CDH20: variants seen among roughly 807,000 people sequenced by gnomAD.
CDH20 encodes cadherin 20, also known as cadherin-20.
Under a neutral mutation model 74.2 loss-of-function variants are expected in CDH20, and 29 were observed. The observed-to-expected ratio is 0.39, with a 90% confidence interval of 0.29 to 0.53. CDH20 has a LOEUF of 0.53. Among genes scored for constraint, CDH20 ranks in the 20% least tolerant of loss-of-function variants. The pLI, the probability that CDH20 is intolerant of heterozygous loss-of-function variation, is 0.69. For synonymous variants in CDH20, 469 were observed against 405.4 expected (o/e 1.16, Z -1.88); for missense variants, 988 against 1,048.3 (o/e 0.94, Z 0.79).
Position 61,353,880 on chromosome 18 carries a change from A to G in CDH20, c.-153+20053A>G, listed in dbSNP as rs968483836. 6.6e-6 allele frequency among the ~76,000 whole-genome samples: 1 copy of G among 152,072 alleles called. No homozygotes were observed. The highest frequency in any genetic ancestry group is 2.4e-5 in the African/African-American group (1 of 41,412). ...TTGGATTGCCTGAACTCTGTAGTTC[A>G]TAACCAGCCTGGGCAACATAGCAAA... On this transcript the variant is annotated intron_variant, in intron 1 of 11. Coordinates refer to ENST00000262717, the MANE Select transcript of CDH20 (RefSeq NM_031891.4). The surrounding 1 kb of genome is among the most constrained non-coding windows in gnomAD (Gnocchi z 4.6).
intron 2 of CDH20, among the ~76,000 whole-genome samples, chr18:61,495,752 T>A (rs1387123643): frequency 6.6e-6 from 1 of 152,192 alleles, no homozygotes; most frequent in Non-Finnish European, 1.5e-5. Context: ...CTGTTTTTCC[T>A]GGAGCTGCGC....
chr18:61,554,138 A>G lies in CDH20; in HGVS notation c.1901-52A>G, dbSNP rs139917339. Reference sequence around the variant, plus strand: ...AATCAAGACTACTTCTAGTCACCGCACACACAGCCACATCTCCTCGGTAAA... The same window carrying G: ...AATCAAGACTACTTCTAGTCACCGCGCACACAGCCACATCTCCTCGGTAAA... On this transcript the variant is annotated intron_variant, in intron 11 of 11. Transcript: ENST00000262717. The G allele has an allele frequency of 1.6e-3, 2,582 of 1,567,382 alleles. 42 individuals carry two copies. In the African/African-American group the frequency reaches 0.026, roughly 16 times the overall value.
At chr18:61,400,545 C>T (rs751983800) in intron 1 of CDH20, among the ~76,000 whole-genome samples, 10 of 152,110 alleles carry the variant, frequency 6.6e-5, no homozygotes, top group Non-Finnish European at 1.2e-4. Flanking sequence ...TAAAGGAAAT[C>T]CTGCTACCAC....
chr18:61,511,183 G>GTC (rs1224607646), intron 6 of CDH20, among the ~76,000 whole-genome samples: 2 of 150,616 alleles, frequency 1.3e-5, no homozygotes, highest in South Asian at 2.1e-4. Flanking sequence ...TTGAGACAGG[G>GTC]TCTCTCTCTG....
At chr18:61,544,582 ATTC>A (rs1913162827) in intron 9 of CDH20, among the ~76,000 whole-genome samples, 1 of 152,166 alleles carries the variant, frequency 6.6e-6, no homozygotes, top group Admixed American at 6.5e-5. Flanking sequence ...CAGTGGCCAG[ATTC>A]TTCTCCAACT....
At chr18:61,440,305 G>A (rs1908985834) in intron 1 of CDH20, among the ~76,000 whole-genome samples, 1 of 152,122 alleles carries the variant, frequency 6.6e-6, no homozygotes. Context: ...GCTATCATGA[G>A]AGACATGGGC....
intron 1 of CDH20, among the ~76,000 whole-genome samples, chr18:61,463,075 C>T (rs527569945): frequency 2.6e-4 from 39 of 152,274 alleles, no homozygotes; most frequent in African/African-American, 8.9e-4. Flanking sequence ...CTTTCTTACC[C>T]GACTTAATTG....
intron 1 of CDH20, among the ~76,000 whole-genome samples, chr18:61,337,554 A>G (rs1335958068): frequency 6.6e-6 from 1 of 152,210 alleles, no homozygotes; most frequent in East Asian, 1.9e-4. Flanking sequence ...TTTCACATTT[A>G]ATTGAAGAAA....
chr18:61,417,640 T>C (rs956552042), intron 1 of CDH20, among the ~76,000 whole-genome samples: 8 of 138,092 alleles, frequency 5.8e-5, no homozygotes, highest in Non-Finnish European at 9.1e-5. Context: ...GAATAATGGT[T>C]ACCAGAGGCT....
intron 1 of CDH20, among the ~76,000 whole-genome samples, chr18:61,391,296 T>G (rs1360726952): frequency 6.6e-6 from 1 of 152,084 alleles, no homozygotes; most frequent in Non-Finnish European, 1.5e-5. Context: ...CAGCTAAAAT[T>G]AAAAAGATTG....
At chr18:61,346,364 C>A (rs118187829) in intron 1 of CDH20, among the ~76,000 whole-genome samples, 7 of 152,206 alleles carry the variant, frequency 4.6e-5, no homozygotes, top group Middle Eastern at 3.4e-3. Flanking sequence ...GAAAGGAAAC[C>A]TTTTATGCAT....
At chr18:61,512,604 G>A (rs1360202007) in intron 6 of CDH20, among the ~76,000 whole-genome samples, 2 of 152,066 alleles carry the variant, frequency 1.3e-5, no homozygotes, top group African/African-American at 4.8e-5. Flanking sequence ...CTGTTTCCAT[G>A]CCATTCTCCC....
intron 1 of CDH20, among the ~76,000 whole-genome samples, chr18:61,442,926 A>T (rs1233100884): frequency 1.3e-5 from 2 of 149,692 alleles, no homozygotes; most frequent in Non-Finnish European, 3.0e-5. Flanking sequence ...AAAAAAAAAC[A>T]GTGCTTCCCA....
intron 10 of CDH20, among the ~76,000 whole-genome samples, chr18:61,546,605 T>C (rs112625626): frequency 0.015 from 2,313 of 152,338 alleles, 66 homozygotes; most frequent in African/African-American, 0.052. Context: ...AAATAACACA[T>C]TGTAACACAT....
At chr18:61,513,130 G>A (rs1334946141) in intron 6 of CDH20, among the ~76,000 whole-genome samples, 2 of 148,546 alleles carry the variant, frequency 1.3e-5, no homozygotes, top group East Asian at 4.0e-4. Context: ...ATTAATGTGT[G>A]GGAGTCTAAG....
At chr18:61,552,998 CATGAGCGT>C (rs1173284285) in intron 11 of CDH20, among the ~76,000 whole-genome samples, 1 of 152,156 alleles carries the variant, frequency 6.6e-6, no homozygotes, top group African/African-American at 2.4e-5. Flanking sequence ...GGAAAATACA[CATGAGCGT>C]ATCATCGTTT....
intron 1 of CDH20, among the ~76,000 whole-genome samples, chr18:61,477,096 G>A (rs1169390839): frequency 6.6e-6 from 1 of 152,060 alleles, no homozygotes; most frequent in East Asian, 1.9e-4. Context: ...GGAAAATGAG[G>A]ACATTGAGCC....
chr18:61,483,088 T>C (rs1024445728), intron 1 of CDH20, among the ~76,000 whole-genome samples: 2 of 152,224 alleles, frequency 1.3e-5, no homozygotes, highest in Non-Finnish European at 2.9e-5. Flanking sequence ...ATATGTTCCC[T>C]TAAGCCTTTC....
At chr18:61,339,031 T>C (rs1312118961) in intron 1 of CDH20, among the ~76,000 whole-genome samples, 1 of 152,184 alleles carries the variant, frequency 6.6e-6, no homozygotes, top group African/African-American at 2.4e-5. Flanking sequence ...AATATTTGAA[T>C]GGTTCTTGTT....
Sources: gnomAD v4.1 joint callset for allele counts (sites outside exome capture counted in the v4.1 genomes callset) on GRCh38, gnomAD v4.1.1 for gene constraint, Gnocchi (gnomAD v3.1) non-coding constraint, MANE v1.5 for transcripts, NCBI Gene and HGNC (gene_info 2026-07-23, HGNC 2026-07-21) for gene names.